Variants in CTNNA3 observed in about 807,000 individuals in gnomAD.
The protein encoded by CTNNA3 is catenin alpha-3.
CTNNA3 carries 76 observed loss-of-function variants against 95.7 expected under a neutral mutation model. That is an observed-to-expected ratio of 0.79 (90% confidence interval 0.66 to 0.96). The LOEUF (loss-of-function observed/expected upper bound fraction) is 0.96. Among genes scored for constraint, CTNNA3 ranks in the 40% least tolerant of loss-of-function variants. CTNNA3 has a pLI of 0.00. For synonymous variants in CTNNA3, 431 were observed against 374.4 expected, an observed-to-expected ratio of 1.15 and a Z score of -1.74; for missense variants, 1,191 against 1,089.8, an observed-to-expected ratio of 1.09 and a Z score of -1.31.
In CTNNA3 at chr10:66,927,952, C is replaced by T. The variant is rs142205547; in HGVS notation, c.1048-152428G>A. ...AATTATCTGTGCCAGTCCCAAAGAGCTGCAAGGAGTAAATGTGATCGATGC... is the reference window on the plus strand; with the variant it reads ...AATTATCTGTGCCAGTCCCAAAGAGTTGCAAGGAGTAAATGTGATCGATGC... On this transcript the variant is annotated intron_variant, in intron 7 of 17. Coordinates refer to ENST00000433211, the MANE Select transcript of CTNNA3 (RefSeq NM_013266.4). This position sits in a 1 kb window ranked among gnomAD's most constrained non-coding sequence, Gnocchi z 4.7. 2.3e-4 allele frequency: 379 copies of T among 1,614,098 alleles called. No individual in the cohort carries two copies. Among genetic ancestry groups the T allele is most frequent in the Non-Finnish European group, 2.9e-4 (343 of 1,180,054 alleles).
intron 3 of CTNNA3, among the ~76,000 whole-genome samples, chr10:67,568,556 C>T (rs1841886031): frequency 6.6e-6 from 1 of 151,190 alleles, no homozygotes; most frequent in Non-Finnish European, 1.5e-5. Context: ...CACACAGACA[C>T]ACACACATAT....
At chr10:66,063,209 T>G (rs10996871) in intron 15 of CTNNA3, among the ~76,000 whole-genome samples, 1,576 of 121,750 alleles carry the variant, frequency 0.013, 43 homozygotes, top group African/African-American at 0.039. Context: ...TATATATATA[T>G]ATATAGATAT....
At chr10:66,566,906 G>T (rs1324829645) in intron 10 of CTNNA3, among the ~76,000 whole-genome samples, 1 of 150,988 alleles carries the variant, frequency 6.6e-6, no homozygotes, top group African/African-American at 2.4e-5. Flanking sequence ...CACAAAGAGA[G>T]GGAGAGAAAA....
At chr10:66,786,114 G>A (rs1352297144) in intron 7 of CTNNA3, among the ~76,000 whole-genome samples, 1 of 152,090 alleles carries the variant, frequency 6.6e-6, no homozygotes, top group Non-Finnish European at 1.5e-5. Flanking sequence ...CCCTCCCCTT[G>A]ATCCTACAGG....
chr10:67,186,477 T>TA (rs558509342), intron 6 of CTNNA3, among the ~76,000 whole-genome samples: 84 of 152,328 alleles, frequency 5.5e-4, no homozygotes, highest in Non-Finnish European at 1.1e-3. Context: ...ATCTGACACC[T>TA]ATAGGCAGGT....
intron 2 of CTNNA3, among the ~76,000 whole-genome samples, chr10:67,625,142 C>T (rs559950988): frequency 1.3e-5 from 2 of 152,300 alleles, no homozygotes; most frequent in East Asian, 3.9e-4. Context: ...TTAAGCAGCA[C>T]ACTCTGTTCC....
At chr10:66,578,881 C>T (rs1843092754) in intron 10 of CTNNA3, among the ~76,000 whole-genome samples, 1 of 149,860 alleles carries the variant, frequency 6.7e-6, no homozygotes, top group South Asian at 2.1e-4. Flanking sequence ...AATCCCTTCT[C>T]AAATTTTGGA....
At chr10:66,247,678 C>A (rs1437492787) in intron 13 of CTNNA3, among the ~76,000 whole-genome samples, 1 of 152,084 alleles carries the variant, frequency 6.6e-6, no homozygotes, top group African/African-American at 2.4e-5. Context: ...ATGGGCAGGG[C>A]AAAGTGGCAT....
chr10:67,453,379 A>G (rs929964400), intron 5 of CTNNA3, among the ~76,000 whole-genome samples: 2 of 152,228 alleles, frequency 1.3e-5, no homozygotes, highest in Non-Finnish European at 2.9e-5. Context: ...TAGGGAAAAA[A>G]TGTTGTCAAA....
intron 17 of CTNNA3, among the ~76,000 whole-genome samples, chr10:65,963,963 G>A (rs569085120): frequency 3.3e-5 from 5 of 152,168 alleles, no homozygotes; most frequent in South Asian, 2.1e-4. Context: ...AATGCATTCC[G>A]TTCACACCTA....
intron 6 of CTNNA3, among the ~76,000 whole-genome samples, chr10:67,203,655 T>G (rs1347724890): frequency 6.6e-6 from 1 of 152,234 alleles, no homozygotes; most frequent in Non-Finnish European, 1.5e-5. Flanking sequence ...ACCTGAAATA[T>G]TATAAAAATA....
intron 13 of CTNNA3, among the ~76,000 whole-genome samples, chr10:66,238,719 C>T (rs1020401505): frequency 6.6e-6 from 1 of 151,650 alleles, no homozygotes. Flanking sequence ...AATATCTTCA[C>T]AGAAAACACT....
intron 17 of CTNNA3, among the ~76,000 whole-genome samples, chr10:65,947,099 T>G (rs751070298): frequency 0.011 from 1,640 of 151,800 alleles, 21 homozygotes; most frequent in Non-Finnish European, 0.013. Context: ...TGTTTTTTTT[T>G]TTTTTGTAGA....
chr10:66,947,570 A>T (rs1848338891), intron 7 of CTNNA3, among the ~76,000 whole-genome samples: 1 of 152,166 alleles, frequency 6.6e-6, no homozygotes, highest in Admixed American at 6.5e-5. Flanking sequence ...ATAAAAAAGC[A>T]TCAGAGACAA....
intron 12 of CTNNA3, among the ~76,000 whole-genome samples, chr10:66,377,214 C>A (rs144448056): frequency 6.6e-6 from 1 of 151,872 alleles, no homozygotes; most frequent in Non-Finnish European, 1.5e-5. Flanking sequence ...TAAACTATAC[C>A]GTTACGCTAA....
intron 1 of CTNNA3, among the ~76,000 whole-genome samples, chr10:67,759,663 T>C (rs75164033): frequency 0.017 from 2,630 of 152,324 alleles, 33 homozygotes; most frequent in Non-Finnish European, 0.025. Flanking sequence ...ATAATCACTT[T>C]GATAACTGCA....
Position 66,910,775 on chromosome 10 carries a change from C to T in CTNNA3, c.1048-135251G>A, listed in dbSNP as rs1484403737. Among the ~76,000 whole-genome samples, 9 of 152,306 alleles carry T rather than the reference C, an allele frequency of 5.9e-5. No homozygotes were observed. The East Asian group carries it at 1.2e-3, about 20-fold the overall frequency. On this transcript the variant is annotated intron_variant, in intron 7 of 17. Coordinates refer to ENST00000433211, the MANE Select transcript of CTNNA3 (RefSeq NM_013266.4). ...ATGGATGCCTCTCCAGTTTGGTTTC[C>T]GCTCTTCTTGAAAACCAATTGTTTG...
intron 6 of CTNNA3, among the ~76,000 whole-genome samples, chr10:67,192,154 G>T (rs977810129): frequency 1.3e-5 from 2 of 151,942 alleles, no homozygotes; most frequent in Non-Finnish European, 2.9e-5. Context: ...TAGGGTAAAA[G>T]ATTCTTGACA....
At chr10:66,989,952 T>C (rs1850953123) in intron 7 of CTNNA3, among the ~76,000 whole-genome samples, 1 of 152,156 alleles carries the variant, frequency 6.6e-6, no homozygotes, top group African/African-American at 2.4e-5. Context: ...ATTAAAAAAT[T>C]AAGATAGCCA....
Sources: gnomAD v4.1 joint callset for allele counts (sites outside exome capture counted in the v4.1 genomes callset) on GRCh38, gnomAD v4.1.1 for gene constraint, Gnocchi (gnomAD v3.1) non-coding constraint, MANE v1.5 for transcripts, NCBI Gene and HGNC (gene_info 2026-07-23, HGNC 2026-07-21) for gene names.